The following CPNE4 variants were observed in gnomAD, a reference collection of about 807,000 sequenced individuals.
CPNE4 encodes the protein copine 4, also known as copine-4.
In CPNE4, 25 loss-of-function variants were observed where a neutral mutation model predicts 67.9. The observed-to-expected ratio is 0.37, with a 90% CI of 0.27 to 0.51. CPNE4 has a LOEUF of 0.51. CPNE4 is among the 20% of genes least tolerant of loss of function. CPNE4 has a pLI of 0.93. For missense variants in CPNE4, 464 were observed against 690.8 expected (o/e 0.67, Z 3.68); for synonymous variants, 242 against 244.9 (o/e 0.99, Z 0.11).
chr3:131,846,898 C>T (rs66506820), intron 2 of CPNE4, among the ~76,000 whole-genome samples: 32,394 of 152,090 alleles, frequency 0.21, 3,787 homozygotes, highest in Admixed American at 0.33. Context: ...TGGACACTCC[C>T]GGAAAATTAA....
At chr3:131,765,940 C>T (rs1009696698) in intron 2 of CPNE4, among the ~76,000 whole-genome samples, 26 of 152,072 alleles carry the variant, frequency 1.7e-4, no homozygotes, top group African/African-American at 5.3e-4. Context: ...GCACTAGCAG[C>T]TTTATACTGT....
intron 1 of CPNE4, among the ~76,000 whole-genome samples, chr3:131,923,641 G>C (rs186313058): frequency 1.4e-5 from 2 of 144,454 alleles, no homozygotes; most frequent in African/African-American, 5.1e-5. Flanking sequence ...AGAGGTGGAG[G>C]CTGCAGTGAG....
chr3:131,650,887 A>G (rs2079800602), intron 7 of CPNE4, among the ~76,000 whole-genome samples: 2 of 152,272 alleles, frequency 1.3e-5, no homozygotes, highest in South Asian at 4.1e-4. Context: ...AGAAATGCAT[A>G]GTAAAAAATG....
chr3:131,933,066 C>T (rs751010497), intron 1 of CPNE4, among the ~76,000 whole-genome samples: 4 of 152,080 alleles, frequency 2.6e-5, no homozygotes, highest in Non-Finnish European at 5.9e-5. Context: ...ACACTGAGAA[C>T]AGGAGGAATG....
chr3:131,897,513 C>T (rs983081413), intron 2 of CPNE4, among the ~76,000 whole-genome samples: 1 of 152,080 alleles, frequency 6.6e-6, no homozygotes, highest in Non-Finnish European at 1.5e-5. Flanking sequence ...CCTTCACTTA[C>T]CACTTGTGTG....
intron 9 of CPNE4, among the ~76,000 whole-genome samples, chr3:131,580,236 T>A (rs1937711356): frequency 6.6e-6 from 1 of 152,168 alleles, no homozygotes; most frequent in African/African-American, 2.4e-5. Flanking sequence ...TTAAAGTACG[T>A]ACATTTTTAG....
chr3:131,728,343 C>T (rs540998536), intron 2 of CPNE4, among the ~76,000 whole-genome samples: 20 of 152,304 alleles, frequency 1.3e-4, no homozygotes, highest in African/African-American at 4.8e-4. Flanking sequence ...TCCGATTTTA[C>T]ACAACTTGTA....
intron 6 of CPNE4, among the ~76,000 whole-genome samples, chr3:131,675,466 T>C (rs1265543964): frequency 6.6e-6 from 1 of 152,164 alleles, no homozygotes; most frequent in Non-Finnish European, 1.5e-5. Flanking sequence ...GCTCTAATAA[T>C]ATTTTCTTTA....
chr3:131,751,763 T>TG (rs990617743), intron 2 of CPNE4, among the ~76,000 whole-genome samples: 121 of 116,566 alleles, frequency 1.0e-3, no homozygotes, highest in South Asian at 8.2e-3. Flanking sequence ...TCTGTTTAGC[T>TG]GTTTTTTTTT....
chr3:131,865,463 G>T (rs181842452), intron 2 of CPNE4, among the ~76,000 whole-genome samples: 1 of 151,900 alleles, frequency 6.6e-6, no homozygotes, highest in Non-Finnish European at 1.5e-5. Flanking sequence ...CCCAAATCTC[G>T]CATTCTTTAT....
intron 1 of CPNE4, among the ~76,000 whole-genome samples, chr3:131,938,374 A>C (rs2071287765): frequency 6.6e-6 from 1 of 152,116 alleles, no homozygotes; most frequent in African/African-American, 2.4e-5. Context: ...AAATCATTAA[A>C]AAAATTTTTA....
chr3:131,740,526 C>T (rs898528588), intron 2 of CPNE4, among the ~76,000 whole-genome samples: 1 of 152,170 alleles, frequency 6.6e-6, no homozygotes, highest in African/African-American at 2.4e-5. Flanking sequence ...CAACCCACCA[C>T]CAAATCCTGT....
At position 131,552,428 on chromosome 3, in the gene CPNE4, G is replaced by T. The variant is rs139410938; in HGVS notation, c.1168+12C>A. 5 of 1,610,436 alleles carry T rather than the reference G, an allele frequency of 3.1e-6. No individual in the cohort carries two copies. In the East Asian group the frequency reaches 8.9e-5, roughly 29 times the overall value. ...GACTGTGACACTGGCTTTCTTTCAC[G>T]TTGTGCTTTACCTGCACATTCTGGG... On this transcript the variant is annotated intron_variant, in intron 13 of 15. Transcript: ENST00000429747.
At chr3:131,972,148 A>G (rs1208171358) in intron 1 of CPNE4, among the ~76,000 whole-genome samples, 1 of 152,238 alleles carries the variant, frequency 6.6e-6, no homozygotes, top group Non-Finnish European at 1.5e-5. Flanking sequence ...ATCAACAAAA[A>G]GAAATACCTA....
At chr3:131,746,755 T>TA (rs2082499449) in intron 2 of CPNE4, among the ~76,000 whole-genome samples, 2 of 152,196 alleles carry the variant, frequency 1.3e-5, no homozygotes, top group African/African-American at 4.8e-5. Context: ...ATCTCTTTGA[T>TA]ATACTGATTT....
At chr3:131,826,681 C>A (rs1458145190) in intron 2 of CPNE4, among the ~76,000 whole-genome samples, 1 of 152,056 alleles carries the variant, frequency 6.6e-6, no homozygotes, top group Non-Finnish European at 1.5e-5. Context: ...TTCAAAGGAA[C>A]AAATTTGAAT....
At chr3:131,882,712 A>G (rs1334504980) in intron 2 of CPNE4, among the ~76,000 whole-genome samples, 1 of 147,470 alleles carries the variant, frequency 6.8e-6, no homozygotes, top group Non-Finnish European at 1.5e-5. Flanking sequence ...AAGTAATTGC[A>G]GTTCTGCTCT....
At chr3:132,023,378 C>CACTA (rs1369761901) in intron 1 of CPNE4, among the ~76,000 whole-genome samples, 1 of 151,968 alleles carries the variant, frequency 6.6e-6, no homozygotes, top group African/African-American at 2.4e-5. Context: ...ATAATAAAGC[C>CACTA]ACTACATCTT....
rs116707387 is a variant in CPNE4 at position 131,920,136 on chromosome 3, T to C, written c.-1-14692A>G. On this transcript the variant is annotated intron_variant, in intron 1 of 15. Coordinates refer to ENST00000429747, the MANE Select transcript of CPNE4 (RefSeq NM_130808.3). ...TGCTGCAGGCCAAAGCCTACATTTC[T>C]TAGCCTAGAATCACTGATTTTTCCT... is the stretch of plus-strand genomic sequence containing the variant. Among the ~76,000 whole-genome samples the C allele has an allele frequency of 8.9e-3, 1,353 of 152,284 alleles. 20 individuals are homozygous for C. The highest frequency in any genetic ancestry group is 0.03 in the African/African-American group (1,267 of 41,564).
Sources: gnomAD v4.1 joint callset for allele counts (sites outside exome capture counted in the v4.1 genomes callset) on GRCh38, gnomAD v4.1.1 for gene constraint, MANE v1.5 for transcripts, NCBI Gene and HGNC (gene_info 2026-07-23, HGNC 2026-07-21) for gene names.